The following ZNF821 variants were observed in gnomAD, a reference collection of about 807,000 sequenced individuals.
The protein encoded by ZNF821 is zinc finger protein 821.
Under a neutral mutation model 44.3 loss-of-function variants are expected in ZNF821, and 16 were observed. The observed-to-expected ratio is 0.36, with a 90% CI of 0.24 to 0.55. The LOEUF (loss-of-function observed/expected upper bound fraction) is 0.55, where lower values mean the gene tolerates loss of function less well. Among genes scored for constraint, ZNF821 ranks in the 20% least tolerant of loss-of-function variants. ZNF821 has a pLI of 0.86. For synonymous variants in ZNF821, 204 were observed against 197.6 expected (o/e 1.03, Z -0.27); for missense variants, 436 against 547.6 (o/e 0.80, Z 2.03).
chr16:71,860,512 C>T lies in ZNF821; in HGVS notation c.745G>A (p.Glu249Lys), dbSNP rs1181414928. 6.2e-7 allele frequency: 1 copy of T among 1,614,172 alleles called. No homozygotes were observed. Among genetic ancestry groups the T allele is most frequent in the African/African-American group, 1.3e-5 (1 of 75,042 alleles). ...TTGCGTACACTGGGAGTCTGGGCTTCCAGCAGTTTACGGTAGGCAGCACAG... is the reference window on the plus strand; with the variant it reads ...TTGCGTACACTGGGAGTCTGGGCTTTCAGCAGTTTACGGTAGGCAGCACAG... ...NNCAAYRKLLEAQTPSVRKWA... is the reference protein window; with the variant it reads ...NNCAAYRKLLKAQTPSVRKWA... The change falls in exon 8 of 8, where the codon GAA becomes AAA. Residue 249 changes from glutamate to lysine, a missense_variant. Physicochemically the swap from Glu to Lys is moderately conservative, Grantham distance 56. Transcript: ENST00000425432. The surrounding 1 kb of genome is among the most constrained non-coding windows in gnomAD (Gnocchi z 7.3).
chr16:71,860,783 G>C lies in ZNF821; in HGVS notation c.585-111C>G. ...CCAGTGGCTCCACGCTCACCACAAG[G>C]GGTCAGTTTGAATGCTTGGTGGACC... is the stretch of plus-strand genomic sequence containing the variant. On this transcript the variant is annotated intron_variant, in intron 7 of 7. Coordinates refer to ENST00000425432, the MANE Select transcript of ZNF821 (RefSeq NM_001201552.2). This position sits in a 1 kb window ranked among gnomAD's most constrained non-coding sequence, Gnocchi z 7.3. 9.0e-7 allele frequency: 1 copy of C among 1,107,474 alleles called. No homozygotes were observed. Among genetic ancestry groups the C allele is most frequent in the African/African-American group, 1.6e-5 (1 of 63,534 alleles). The allele number at this position is 1,107,474 out of a possible 1,614,324, so 68.6% of individuals were successfully genotyped here.
intron 2 of ZNF821, among the ~76,000 whole-genome samples, chr16:71,882,960 C>G (rs974022273): frequency 6.6e-6 from 1 of 152,136 alleles, no homozygotes; most frequent in Non-Finnish European, 1.5e-5. Flanking sequence ...TAGATAGCTG[C>G]CTGAACATGG....
chr16:71,863,940 T>A (rs1250742726), intron 6 of ZNF821, among the ~76,000 whole-genome samples, 198 bp downstream of exon 6: 1 of 152,144 alleles, frequency 6.6e-6, no homozygotes, highest in Non-Finnish European at 1.5e-5. Flanking sequence ...TCAAGTGATC[T>A]ACCCGCCTCG....
chr16:71,865,675 T>C (rs1038816519), intron 4 of ZNF821, among the ~76,000 whole-genome samples: 2 of 152,226 alleles, frequency 1.3e-5, no homozygotes, highest in Admixed American at 1.3e-4. Flanking sequence ...CACTTTGCAG[T>C]GGTATCCGAC....
In ZNF821 at chr16:71,861,788, G is replaced by A; in HGVS notation, c.572C>T (p.Ala191Val). Residue 191 changes from alanine to valine, a missense_variant, in exon 7 of 8, where the codon GCC becomes GTC. Transcript: ENST00000425432. ...GTGCCCAGCTGACCTGTTAAAAGTG[G>A]CATGGCTGGTGAACCGGGCTCCACA... ...AVCGARFTSH[A>V]TFNSEKLPEV... 6.2e-7 allele frequency: 1 copy of A among 1,614,060 alleles called. No individual in the cohort carries two copies.
intron 3 of ZNF821, among the ~76,000 whole-genome samples, chr16:71,873,304 T>G (rs2035423438): frequency 6.6e-6 from 1 of 151,136 alleles, no homozygotes; most frequent in Admixed American, 6.6e-5. Context: ...CCTGGGCGAC[T>G]GAGCAGGATG....
chr16:71,860,838 G>C lies in ZNF821; in HGVS notation c.585-166C>G, dbSNP rs550176991. ...CTGCTGCTCCATCCCTTCTCTTCGCGTGAGAGTTGTCTACCAACTTTTTTT... is the reference window on the plus strand; with the variant it reads ...CTGCTGCTCCATCCCTTCTCTTCGCCTGAGAGTTGTCTACCAACTTTTTTT... On this transcript the variant is annotated intron_variant, in intron 7 of 7. Transcript: ENST00000425432. The surrounding 1 kb of genome is among the most constrained non-coding windows in gnomAD (Gnocchi z 7.3). Among the ~76,000 whole-genome samples the C allele has an allele frequency of 1.3e-5, 2 of 148,870 alleles. No homozygotes were observed. The highest frequency in any genetic ancestry group is 2.5e-5 in the African/African-American group (1 of 40,804).
At position 71,864,934 on chromosome 16, in the gene ZNF821, G is replaced by A. The variant is rs2034364269; in HGVS notation, c.281C>T (p.Pro94Leu). 1 of 1,614,016 alleles carries A rather than the reference G, an allele frequency of 6.2e-7. No homozygotes were observed. The highest frequency in any genetic ancestry group is 1.3e-5 in the African/African-American group (1 of 74,898). ...VEKELENTEQ[P>L]VGGNEVVEHE... is the part of the protein sequence containing the mutation. ...CTCTACCACTTCGTTCCCACCAACAGGCTGTTCTGTATTTTCTAACTCTTT... is the reference window on the plus strand; with the variant it reads ...CTCTACCACTTCGTTCCCACCAACAAGCTGTTCTGTATTTTCTAACTCTTT... The change falls in exon 5 of 8, where the codon CCT becomes CTT. Residue 94 changes from proline to leucine, a missense_variant. Transcript: ENST00000425432.
At chr16:71,872,257 G>A (rs2035287680) in intron 3 of ZNF821, among the ~76,000 whole-genome samples, 1 of 152,170 alleles carries the variant, frequency 6.6e-6, no homozygotes, top group Admixed American at 6.5e-5. Flanking sequence ...GGTCCTTGGT[G>A]CAGTTAAACA....
upstream of ZNF821, among the ~76,000 whole-genome samples, chr16:71,887,572 A>T (rs2036866297): frequency 6.6e-6 from 1 of 152,068 alleles, no homozygotes; most frequent in Non-Finnish European, 1.5e-5. Flanking sequence ...TCTGTGTTCA[A>T]CTTTTTGAGG....
intron 3 of ZNF821, among the ~76,000 whole-genome samples, chr16:71,872,505 C>T (rs1344356167): frequency 2.0e-5 from 3 of 151,934 alleles, no homozygotes; most frequent in Admixed American, 6.6e-5. Flanking sequence ...CCCAGCTACT[C>T]GGGAGGCTGA....
intron 4 of ZNF821, among the ~76,000 whole-genome samples, chr16:71,865,271 T>C (rs1028765091): frequency 4.6e-5 from 7 of 152,216 alleles, no homozygotes; most frequent in Admixed American, 1.3e-4. Context: ...CAAAACTGCA[T>C]TGGAAATGGT....
upstream of ZNF821, among the ~76,000 whole-genome samples, chr16:71,884,360 C>T (rs1344966436): frequency 2.6e-5 from 4 of 152,030 alleles, no homozygotes; most frequent in Admixed American, 1.3e-4. Context: ...GGGGCTCGCC[C>T]GCGTTCCAGG....
chr16:71,866,225 AC>A, intron 4 of ZNF821, among the ~76,000 whole-genome samples: 1 of 152,290 alleles, frequency 6.6e-6, no homozygotes, highest in East Asian at 1.9e-4. Flanking sequence ...CTTCTCTACT[AC>A]CCTTGCATAA....
At chr16:71,894,624 C>G (rs1251913859) in intron 1 of ZNF821, 2 of 514,252 alleles carry the variant, frequency 3.9e-6, no homozygotes, top group Non-Finnish European at 7.0e-6. Flanking sequence ...CTTCTGGGCT[C>G]AAGCGATCTT....
chr16:71,883,319 G>A (rs1400605571), intron 1 of ZNF821, 46 bp from the exon 2 acceptor site: 6 of 416,430 alleles, frequency 1.4e-5, no homozygotes, highest in Non-Finnish European at 2.4e-5. Context: ...TAGCCGCCTG[G>A]CTGTTCACCT....
rs1227733429 is a variant in ZNF821 at position 71,860,355 on chromosome 16, C to T, written c.902G>A (p.Arg301His). 2 of 1,611,688 alleles carry T rather than the reference C, an allele frequency of 1.2e-6. No individual in the cohort carries two copies. Residue 301 changes from arginine (R) to histidine (H), a missense_variant, in exon 8 of 8, where the codon CGT becomes CAT. By Grantham distance (29) the Arg-to-His change is conservative. Coordinates refer to ENST00000425432, the MANE Select transcript of ZNF821 (RefSeq NM_001201552.2). This position sits in a 1 kb window ranked among gnomAD's most constrained non-coding sequence, Gnocchi z 7.3. Reference protein sequence around the residue: ...EEREVRRMRDREAKRLQRMQE... With the variant: ...EEREVRRMRDHEAKRLQRMQE... Reference sequence around the variant, plus strand: ...CATGCGCTGCAAGCGCTTGGCTTCACGGTCCCTCATGCGCCTCACCTCCCG... The same window carrying T: ...CATGCGCTGCAAGCGCTTGGCTTCATGGTCCCTCATGCGCCTCACCTCCCG...
intron 1 of ZNF821, among the ~76,000 whole-genome samples, chr16:71,892,411 C>G (rs1311426195): frequency 6.7e-6 from 1 of 149,348 alleles, no homozygotes; most frequent in East Asian, 2.1e-4. Context: ...GGACTACAGG[C>G]GCCCGCCACC....
At chr16:71,861,662 C>T in intron 7 of ZNF821, 114 bp downstream of exon 7, 3 of 1,237,034 alleles carry the variant, frequency 2.4e-6, no homozygotes, top group Admixed American at 2.0e-5. Flanking sequence ...TTCCAAGGAG[C>T]ATGCATCAGC....
Sources: allele counts gnomAD v4.1 joint callset (sites outside exome capture counted in the v4.1 genomes callset), GRCh38; gene constraint gnomAD v4.1.1; non-coding constraint Gnocchi (gnomAD v3.1); transcripts MANE v1.5; gene names NCBI Gene and HGNC (gene_info 2026-07-23, HGNC 2026-07-21).